COL11A1: variants seen among roughly 807,000 people sequenced by gnomAD.
The protein encoded by COL11A1 is collagen alpha-1(XI) chain.
COL11A1 carries 74 observed loss-of-function variants against 265.2 expected under a neutral mutation model. That is an observed-to-expected ratio of 0.28 (90% confidence interval 0.23 to 0.34). The LOEUF is 0.34. Ranked by LOEUF, COL11A1 falls within the 10% of genes least tolerant of loss-of-function variation. COL11A1 has a pLI of 1.00. For synonymous variants in COL11A1, 816 were observed against 727.6 expected (o/e 1.12, Z -1.96); for missense variants, 2,165 against 2,263.6 (o/e 0.96, Z 0.88).
intron 44 of COL11A1, among the ~76,000 whole-genome samples, chr1:102,937,198 C>A (rs1278545128): frequency 7.9e-5 from 12 of 151,966 alleles, no homozygotes; most frequent in Admixed American, 2.0e-4. Flanking sequence ...TAGACAAAAG[C>A]TTTTTGGGCT....
chr1:103,012,801 C>T (rs1666236131), intron 13 of COL11A1, among the ~76,000 whole-genome samples: 1 of 151,978 alleles, frequency 6.6e-6, no homozygotes, highest in Non-Finnish European at 1.5e-5. Flanking sequence ...AATGCATAGC[C>T]TTTTTCTCTT....
intron 1 of COL11A1, among the ~76,000 whole-genome samples, chr1:103,097,575 T>C (rs1432899373): frequency 6.6e-6 from 1 of 151,996 alleles, no homozygotes; most frequent in Non-Finnish European, 1.5e-5. Flanking sequence ...TGTACCACTA[T>C]TTGATTAATT....
intron 57 of COL11A1, among the ~76,000 whole-genome samples, chr1:102,892,559 C>G (rs181451331): frequency 6.6e-6 from 1 of 152,256 alleles, no homozygotes; most frequent in Admixed American, 6.5e-5. Context: ...CATCTACAAG[C>G]TGGGGACTAC....
chr1:103,048,827 T>A (rs1669539707), intron 4 of COL11A1, among the ~76,000 whole-genome samples: 1 of 152,306 alleles, frequency 6.6e-6, no homozygotes, highest in Non-Finnish European at 1.5e-5. Flanking sequence ...TCTAAGAATA[T>A]CTTTATTTCT....
intron 4 of COL11A1, among the ~76,000 whole-genome samples, chr1:103,045,134 A>G (rs1669142306): frequency 6.6e-6 from 1 of 152,132 alleles, no homozygotes; most frequent in Non-Finnish European, 1.5e-5. Flanking sequence ...GTGAACCAAC[A>G]ATCCACAGGT....
intron 48 of COL11A1, among the ~76,000 whole-genome samples, chr1:102,920,673 C>T (rs552568570): frequency 1.3e-3 from 199 of 152,190 alleles, no homozygotes; most frequent in African/African-American, 4.6e-3. Context: ...TGGTTTTAGG[C>T]GGTGATTTTG....
chr1:102,905,062 T>C (rs1230018166), intron 54 of COL11A1, among the ~76,000 whole-genome samples: 1 of 151,868 alleles, frequency 6.6e-6, no homozygotes, highest in African/African-American at 2.4e-5. Context: ...GATGAGTTCA[T>C]GTCCTTTGTA....
intron 43 of COL11A1, 78 bp from the exon 44 acceptor site, chr1:102,939,166 T>C (rs1214722938): frequency 7.8e-7 from 1 of 1,289,758 alleles, no homozygotes; most frequent in African/African-American, 1.5e-5. Flanking sequence ...AACAGTTAAA[T>C]TTTACCTTTA....
Position 102,876,473 on chromosome 1 carries a change from T to C in COL11A1, c.*1546A>G, listed in dbSNP as rs953647230. ...TAAGAAAGAAAATGACCAATCCAGG[T>C]AGCCAAGACTTGAGTTTATTTATTG... is the stretch of plus-strand genomic sequence containing the variant. On this transcript the variant is annotated 3_prime_UTR_variant, in exon 67 of 67. Transcript: ENST00000370096. 1 of 152,516 alleles carries C rather than the reference T, an allele frequency of 6.6e-6. No homozygotes were observed. Among genetic ancestry groups the C allele is most frequent in the African/African-American group, 2.4e-5 (1 of 41,470 alleles). 9.4% of individuals were successfully genotyped at this position (152,516 alleles called of 1,614,324 possible). A position where few individuals can be genotyped will look rare whatever the true frequency, so the allele number is the denominator to read the frequency against.
intron 14 of COL11A1, among the ~76,000 whole-genome samples, chr1:103,010,378 T>C (rs1571024087): frequency 6.6e-6 from 1 of 152,188 alleles, no homozygotes; most frequent in East Asian, 1.9e-4. Flanking sequence ...GATTTTTTTC[T>C]CTCAATACCT....
intron 1 of COL11A1, among the ~76,000 whole-genome samples, chr1:103,104,273 A>T (rs996773172): frequency 2.6e-5 from 4 of 152,094 alleles, no homozygotes; most frequent in African/African-American, 7.2e-5. Context: ...ATCCTAGGAA[A>T]AAGCAAATTT....
intron 46 of COL11A1, among the ~76,000 whole-genome samples, chr1:102,926,591 T>G (rs1656625572): frequency 6.6e-6 from 1 of 152,178 alleles, no homozygotes; most frequent in Non-Finnish European, 1.5e-5. Flanking sequence ...CAGAAGTAGC[T>G]GTGGGAAAAT....
chr1:103,013,056 T>C (rs1244605211), intron 13 of COL11A1, among the ~76,000 whole-genome samples: 1 of 152,074 alleles, frequency 6.6e-6, no homozygotes, highest in Non-Finnish European at 1.5e-5. Context: ...AAATGTGAAA[T>C]TAGCATACTT....
chr1:102,937,282 A>G (rs1658246665), intron 44 of COL11A1, among the ~76,000 whole-genome samples: 2 of 152,214 alleles, frequency 1.3e-5, no homozygotes, highest in African/African-American at 4.8e-5. Context: ...TATAATGGCC[A>G]TGCAGTCATT....
intron 4 of COL11A1, among the ~76,000 whole-genome samples, chr1:103,046,516 G>A (rs1669285429): frequency 6.6e-6 from 1 of 151,688 alleles, no homozygotes; most frequent in Non-Finnish European, 1.5e-5. Context: ...CCCTTTGTCA[G>A]ATGAATAGGT....
At chr1:102,882,041 A>T (rs1241180) in intron 64 of COL11A1, among the ~76,000 whole-genome samples, 14 of 152,144 alleles carry the variant, frequency 9.2e-5, no homozygotes, top group African/African-American at 3.1e-4. Flanking sequence ...GTATAGGCAT[A>T]CTAAGGGTTA....
At chr1:103,088,719 G>A (rs147427836) in intron 1 of COL11A1, among the ~76,000 whole-genome samples, 1 of 152,222 alleles carries the variant, frequency 6.6e-6, no homozygotes, top group African/African-American at 2.4e-5. Flanking sequence ...GAGTCCCTAG[G>A]GATAAATAGG....
At chr1:103,098,522 G>A (rs941559210) in intron 1 of COL11A1, among the ~76,000 whole-genome samples, 7 of 151,628 alleles carry the variant, frequency 4.6e-5, no homozygotes, top group Non-Finnish European at 1.0e-4. Context: ...ACTAAGCCAC[G>A]GACCCCAGTC....
chr1:103,003,287 G>C lies in COL11A1; in HGVS notation c.1945-19C>G. 6.2e-7 allele frequency: 1 copy of C among 1,606,354 alleles called. No homozygotes were observed. The highest frequency in any genetic ancestry group is 1.7e-5 in the Admixed American group (1 of 58,812). ...GTGGGCCCTAGGAGAAAAAGAAAAA[G>C]CACGCCTTTATTAAAAAAAAAAAAT... On this transcript the variant is annotated intron_variant, in intron 20 of 66. Transcript: ENST00000370096.
Sources: allele counts gnomAD v4.1 joint callset (sites outside exome capture counted in the v4.1 genomes callset), GRCh38; gene constraint gnomAD v4.1.1; transcripts MANE v1.5; gene names NCBI Gene and HGNC (gene_info 2026-07-23, HGNC 2026-07-21).